Variants in RBM10 observed in about 807,000 individuals in gnomAD.
The protein encoded by RBM10 is RNA-binding protein 10.
Under a neutral mutation model 84.9 loss-of-function variants are expected in RBM10, and 1 was observed. The ratio of observed to expected loss-of-function variants is 0.01; its 90% CI spans 0.00 to 0.06. The LOEUF (loss-of-function observed/expected upper bound fraction) is 0.06, where lower values mean the gene tolerates loss of function less well. Among genes scored for constraint, RBM10 ranks in the 10% least tolerant of loss-of-function variants. The pLI, the probability that RBM10 is intolerant of heterozygous loss-of-function variation, is 1.00. For synonymous variants in RBM10, 326 were observed against 344.5 expected (o/e 0.95, Z 0.60); for missense variants, 438 against 839.0 (o/e 0.52, Z 5.90).
chrX:47,157,024 GGTT>G, intron 2 of RBM10: 2 of 297,326 alleles, frequency 6.7e-6, no homozygotes, highest in East Asian at 8.7e-5. Flanking sequence ...TGCCCCATCT[GGTT>G]GTTGATGATG....
chrX:47,145,778 G>C (rs1932126898), intron 1 of RBM10, among the ~76,000 whole-genome samples: 1 of 105,788 alleles, frequency 9.5e-6, no homozygotes, highest in Non-Finnish European at 1.9e-5. Flanking sequence ...CTACATCGAA[G>C]TTTATCAGTG....
At chrX:47,174,975 C>T (rs2147149892) in intron 5 of RBM10, 44 bp from the exon 6 acceptor site, 5 of 1,140,549 alleles carry the variant, frequency 4.4e-6, no homozygotes, top group Non-Finnish European at 6.0e-6. Flanking sequence ...GTGTCCAAAG[C>T]TGTTGACTAA....
At position 47,181,953 on chromosome X, in the gene RBM10, G is replaced by A. The variant is rs138911533; in HGVS notation, c.1696G>A (p.Val566Ile). Residue 566 changes from valine to isoleucine, a missense_variant and splice_region_variant, in exon 16 of 24, where the codon GTT (valine) becomes ATT (isoleucine). By Grantham distance (29) the Val-to-Ile change is conservative (BLOSUM62 3). This residue lies in a region of RBM10 where 39 missense variants were observed against 119.5 expected (regional missense o/e 0.33). Coordinates refer to ENST00000377604, the MANE Select transcript of RBM10 (RefSeq NM_005676.5). ...ACCCCGTTCCCCTCACCCCCTAGCT[G>A]TTCCCGACGTCTCTACCTACCAGTA... ...TAQESYSQYPVPDVSTYQYDE... is the reference protein window; with the variant it reads ...TAQESYSQYPIPDVSTYQYDE... 6.6e-6 allele frequency: 8 copies of A among 1,208,784 alleles called. No homozygotes were observed. Among genetic ancestry groups the A allele is most frequent in the Non-Finnish European group, 7.8e-6 (7 of 894,935 alleles).
chrX:47,168,050 G>C (rs1934362147), intron 2 of RBM10, among the ~76,000 whole-genome samples: 1 of 112,065 alleles, frequency 8.9e-6, no homozygotes, highest in Non-Finnish European at 1.9e-5. Flanking sequence ...TTGGAATCCT[G>C]TTAGTATAGT....
chrX:47,158,035 C>T (rs1933312843), intron 2 of RBM10: 1 of 166,467 alleles, frequency 6.0e-6, no homozygotes, highest in Non-Finnish European at 1.1e-5. Context: ...CTCGGCCTCC[C>T]AAAGTGCTGG....
At chrX:47,174,886 C>A in intron 5 of RBM10, 133 bp from the exon 6 acceptor site, 1 of 480,578 alleles carries the variant, frequency 2.1e-6, no homozygotes, top group Admixed American at 2.7e-5. Context: ...GCCTCTTTCT[C>A]TTTCTTCCTT....
At position 47,185,207 on chromosome X, in the gene RBM10, G is replaced by A. The variant is rs2147211846; in HGVS notation, c.2100+3G>A. The A allele has an allele frequency of 1.6e-6, 2 of 1,212,588 alleles. No homozygotes were observed. Among genetic ancestry groups the A allele is most frequent in the Non-Finnish European group, 2.2e-6 (2 of 895,658 alleles). ...GCTATGCCATCCTCGAGAAGAAGGTGTGTTGGGGCCACCCCCCTGCACCCT... is the reference window on the plus strand; with the variant it reads ...GCTATGCCATCCTCGAGAAGAAGGTATGTTGGGGCCACCCCCCTGCACCCT... On this transcript the variant is annotated splice_donor_region_variant and intron_variant, in intron 18 of 23. Coordinates refer to ENST00000377604, the MANE Select transcript of RBM10 (RefSeq NM_005676.5).
Position 47,180,525 on chromosome X carries a change from C to G in RBM10, c.1248+19C>G. 8.3e-7 allele frequency: 1 copy of G among 1,207,526 alleles called. No homozygotes were observed. The highest frequency in any genetic ancestry group is 1.1e-6 in the Non-Finnish European group (1 of 893,900). ...CTCACAGGTACTCAGACCCCTTGTG[C>G]CTCCCAGCGTCCTGAGACCTGGGCT... is the stretch of plus-strand genomic sequence containing the variant. On this transcript the variant is annotated intron_variant, in intron 12 of 23. Transcript: ENST00000377604.
At chrX:47,176,286 C>T (rs1556776141) in intron 6 of RBM10, among the ~76,000 whole-genome samples, 2 of 111,317 alleles carry the variant, frequency 1.8e-5, no homozygotes, top group East Asian at 2.9e-4. Context: ...TGTGTGCGTG[C>T]GTGTGCCCGG....
At chrX:47,162,690 A>G (rs1556767155) in intron 2 of RBM10, among the ~76,000 whole-genome samples, 1 of 110,020 alleles carries the variant, frequency 9.1e-6, no homozygotes, top group Admixed American at 9.8e-5. Flanking sequence ...CCTGGCCAAC[A>G]TGATGAAACC....
intron 2 of RBM10, among the ~76,000 whole-genome samples, chrX:47,155,957 G>A (rs1479322214): frequency 9.4e-6 from 1 of 105,990 alleles, no homozygotes; most frequent in African/African-American, 3.4e-5. Flanking sequence ...TTACAGGCAC[G>A]CGCCACCACA....
chrX:47,153,993 G>C (rs373627652), intron 2 of RBM10, among the ~76,000 whole-genome samples: 1 of 111,367 alleles, frequency 9.0e-6, no homozygotes, highest in Admixed American at 9.7e-5. Context: ...GGGAGGTTGA[G>C]ACTGTGGTAA....
intron 2 of RBM10, among the ~76,000 whole-genome samples, chrX:47,158,772 A>G (rs1364979555): frequency 8.9e-6 from 1 of 111,985 alleles, no homozygotes; most frequent in Non-Finnish European, 1.9e-5. Flanking sequence ...CCATCACCCA[A>G]GCAGTAAGCT....
intron 2 of RBM10, among the ~76,000 whole-genome samples, chrX:47,168,586 G>A (rs1185627986): frequency 4.5e-5 from 5 of 111,088 alleles, no homozygotes; most frequent in African/African-American, 1.6e-4. Context: ...AATCAGCTTT[G>A]AGATCATTAT....
At chrX:47,148,891 A>G (rs1932526021) in intron 2 of RBM10, among the ~76,000 whole-genome samples, 1 of 74,243 alleles carries the variant, frequency 1.3e-5, no homozygotes, top group African/African-American at 5.0e-5. Flanking sequence ...TACATATCAT[A>G]GAAAATGTAT....
At chrX:47,165,517 AAG>A (rs1934108946) in intron 2 of RBM10, among the ~76,000 whole-genome samples, 1 of 87,394 alleles carries the variant, frequency 1.1e-5, no homozygotes. Context: ...CTTGTCTCAA[AAG>A]AAAAAAAAAA....
At chrX:47,155,786 A>G (rs1933081057) in intron 2 of RBM10, among the ~76,000 whole-genome samples, 1 of 103,600 alleles carries the variant, frequency 9.7e-6, no homozygotes, top group Non-Finnish European at 2.0e-5. Flanking sequence ...CCCATCCACT[A>G]GATTCTTTTT....
intron 5 of RBM10, 48 bp from the exon 6 acceptor site, chrX:47,174,971 A>G (rs782184182): frequency 1.3e-5 from 15 of 1,121,401 alleles, no homozygotes; most frequent in East Asian, 3.0e-5. Context: ...CCGTGTGTCC[A>G]AAGCTGTTGA....
At chrX:47,160,575 A>G (rs1195040577) in intron 2 of RBM10, among the ~76,000 whole-genome samples, 1 of 107,177 alleles carries the variant, frequency 9.3e-6, no homozygotes, top group African/African-American at 3.4e-5. Flanking sequence ...TCAGATGGCA[A>G]TTATTAAAAA....
Sources: allele counts gnomAD v4.1 joint callset (sites outside exome capture counted in the v4.1 genomes callset), GRCh38; gene constraint gnomAD v4.1.1; regional missense constraint gnomAD v4.1.1; transcripts MANE v1.5; gene names NCBI Gene and HGNC (gene_info 2026-07-23, HGNC 2026-07-21).